ACOXL: variants seen among roughly 807,000 people sequenced by gnomAD.
ACOXL encodes the protein acyl-CoA oxidase like.
A neutral mutation model predicts 71.9 loss-of-function variants in ACOXL; 70 were observed. The ratio of observed to expected loss-of-function variants is 0.97; its 90% CI spans 0.80 to 1.19. The LOEUF (loss-of-function observed/expected upper bound fraction) is 1.19, where lower values mean the gene tolerates loss of function less well. ACOXL is among the 50% of genes most tolerant of loss of function. The pLI is 0.00. For missense variants in ACOXL, 703 were observed against 736.3 expected, an observed-to-expected ratio of 0.95 and a Z score of 0.52; for synonymous variants, 253 against 281.6, an observed-to-expected ratio of 0.90 and a Z score of 1.02.
rs1170005581 is a variant in ACOXL at position 111,047,958 on chromosome 2, T to A, written c.1370-1260T>A. Among the ~76,000 whole-genome samples the A allele has an allele frequency of 4.6e-5, 7 of 152,314 alleles. No individual in the cohort carries two copies. In the East Asian group the frequency reaches 1.3e-3, roughly 29 times the overall value. ...GTAATTTAGTCAGAGATGAAAGCAG[T>A]CTAAGGAATTCTATTTTAGAGTAAC... is the stretch of plus-strand genomic sequence containing the variant. On this transcript the variant is annotated intron_variant, in intron 15 of 17. Transcript: ENST00000439055.
chr2:110,798,743 C>T lies in ACOXL; in HGVS notation c.460+19C>T. 6.3e-7 allele frequency: 1 copy of T among 1,595,100 alleles called. No individual in the cohort carries two copies. The highest frequency in any genetic ancestry group is 8.6e-7 in the Non-Finnish European group (1 of 1,162,670). On this transcript the variant is annotated intron_variant, in intron 6 of 17. Coordinates refer to ENST00000439055, the MANE Select transcript of ACOXL (RefSeq NM_001142807.4). ...TCTCAAGGTTTGTTACCAATACAGA[C>T]AACTAGAATAATTCTCTTCATTAGT... is the stretch of plus-strand genomic sequence containing the variant.
intron 9 of ACOXL, among the ~76,000 whole-genome samples, chr2:110,805,651 A>G (rs1232856496): frequency 3.3e-5 from 5 of 152,226 alleles, no homozygotes; most frequent in Non-Finnish European, 5.9e-5. Flanking sequence ...CATTGTGGTA[A>G]GAGAGCCAGG....
chr2:110,816,087 A>AGATGGGTGGGTAGATGAATG (rs1206262314), intron 9 of ACOXL, among the ~76,000 whole-genome samples: 1 of 151,856 alleles, frequency 6.6e-6, no homozygotes, highest in Non-Finnish European at 1.5e-5. Context: ...ATGAATGGAT[A>AGATGGGTGGGTAGATGAATG]GATGGGTGGG....
intron 16 of ACOXL, among the ~76,000 whole-genome samples, chr2:111,056,920 A>G (rs928971404): frequency 6.6e-6 from 1 of 152,104 alleles, no homozygotes; most frequent in Non-Finnish European, 1.5e-5. Flanking sequence ...AGTGCCTACT[A>G]TGTGTCCAGC....
intron 16 of ACOXL, among the ~76,000 whole-genome samples, chr2:111,088,468 A>C (rs1167137501): frequency 6.6e-6 from 1 of 152,180 alleles, no homozygotes; most frequent in African/African-American, 2.4e-5. Flanking sequence ...AAAATGAGAT[A>C]ATGTCGTTTG....
intron 12 of ACOXL, among the ~76,000 whole-genome samples, chr2:110,939,874 A>G (rs111376239): frequency 4.3e-4 from 65 of 152,344 alleles, no homozygotes; most frequent in African/African-American, 1.4e-3. Context: ...AGTGTGGCCC[A>G]GGGAAGCCAA....
intron 12 of ACOXL, among the ~76,000 whole-genome samples, chr2:110,960,324 T>C (rs1383525623): frequency 6.6e-6 from 1 of 152,208 alleles, no homozygotes; most frequent in African/African-American, 2.4e-5. Flanking sequence ...TTGTATGTAG[T>C]GCATACGAAA....
chr2:111,078,074 G>C (rs947674076), intron 16 of ACOXL, among the ~76,000 whole-genome samples: 1 of 151,968 alleles, frequency 6.6e-6, no homozygotes, highest in East Asian at 1.9e-4. Flanking sequence ...ACAGGTCCCT[G>C]GGGCTCTCTT....
chr2:111,015,208 C>T lies in ACOXL; in HGVS notation c.1282-16419C>T, dbSNP rs148782565. Among the ~76,000 whole-genome samples the T allele has an allele frequency of 2.1e-3, 323 of 152,224 alleles. 2 individuals are homozygous for T. The highest frequency in any genetic ancestry group is 7.5e-3 in the African/African-American group (312 of 41,536). On this transcript the variant is annotated intron_variant, in intron 14 of 17. Coordinates refer to ENST00000439055, the MANE Select transcript of ACOXL (RefSeq NM_001142807.4). ...ACCATAGCCTTGGAGAAATTATTTG[C>T]AATACCTGTATCTGGCAAAACACTT... is the stretch of plus-strand genomic sequence containing the variant.
intron 10 of ACOXL, among the ~76,000 whole-genome samples, chr2:110,848,964 C>T (rs1692259661): frequency 6.6e-6 from 1 of 152,262 alleles, no homozygotes; most frequent in Non-Finnish European, 1.5e-5. Context: ...AGCTTCCTGC[C>T]ACATCCACCC....
chr2:111,116,198 G>A (rs116721617), intron 17 of ACOXL, among the ~76,000 whole-genome samples: 1,813 of 152,312 alleles, frequency 0.012, 36 homozygotes, highest in African/African-American at 0.041. Flanking sequence ...ATTAGTCAGG[G>A]ATTTTTCAAG....
At chr2:110,744,029 A>G (rs1677872364) in intron 1 of ACOXL, among the ~76,000 whole-genome samples, 1 of 152,214 alleles carries the variant, frequency 6.6e-6, no homozygotes, top group Non-Finnish European at 1.5e-5. Context: ...TGCACCCTGC[A>G]GCAGATGTCC....
At chr2:110,956,692 A>G (rs1407278908) in intron 12 of ACOXL, among the ~76,000 whole-genome samples, 1 of 152,162 alleles carries the variant, frequency 6.6e-6, no homozygotes, top group African/African-American at 2.4e-5. Flanking sequence ...TCTAACACAT[A>G]AGATAAGATT....
chr2:110,961,035 G>T (rs778639695), intron 12 of ACOXL, among the ~76,000 whole-genome samples: 6 of 152,162 alleles, frequency 3.9e-5, no homozygotes, highest in Non-Finnish European at 7.3e-5. Flanking sequence ...AGGCCTTTCT[G>T]GCTTATTCTA....
intron 5 of ACOXL, among the ~76,000 whole-genome samples, chr2:110,798,357 C>T (rs893254721): frequency 3.3e-5 from 5 of 151,270 alleles, no homozygotes; most frequent in African/African-American, 7.3e-5. Context: ...CCCAGGTTCA[C>T]GCCATTCTCC....
At chr2:110,918,389 A>G (rs1359704331) in intron 11 of ACOXL, among the ~76,000 whole-genome samples, 1 of 152,196 alleles carries the variant, frequency 6.6e-6, no homozygotes, top group Non-Finnish European at 1.5e-5. Flanking sequence ...CCTTCCTTAC[A>G]CCTTATGCAA....
chr2:110,970,984 T>C (rs1574332637), intron 12 of ACOXL, among the ~76,000 whole-genome samples: 1 of 152,112 alleles, frequency 6.6e-6, no homozygotes, highest in South Asian at 2.1e-4. Flanking sequence ...TCATGAAAAA[T>C]AAAATTTTTT....
At chr2:110,733,386 T>G (rs1013197969) in intron 1 of ACOXL, among the ~76,000 whole-genome samples, 1 of 152,080 alleles carries the variant, frequency 6.6e-6, no homozygotes, top group Admixed American at 6.5e-5. Context: ...GAGGGTTGAG[T>G]GCTTGAGCTG....
chr2:110,938,400 A>G (rs536270559), intron 12 of ACOXL, among the ~76,000 whole-genome samples: 1 of 152,378 alleles, frequency 6.6e-6, no homozygotes, highest in South Asian at 2.1e-4. Context: ...CCCCAGCACC[A>G]CATGGTGCAG....
Sources: allele counts gnomAD v4.1 joint callset (sites outside exome capture counted in the v4.1 genomes callset), GRCh38; gene constraint gnomAD v4.1.1; transcripts MANE v1.5; gene names NCBI Gene and HGNC (gene_info 2026-07-23, HGNC 2026-07-21).